THEM4: variants seen among roughly 807,000 people sequenced by gnomAD.
The protein encoded by THEM4 is acyl-coenzyme A thioesterase THEM4.
THEM4 carries 22 observed loss-of-function variants against 25.0 expected under a neutral mutation model. That is an observed-to-expected ratio of 0.88 (90% CI 0.63 to 1.26). The LOEUF (loss-of-function observed/expected upper bound fraction) is 1.26, where lower values mean the gene tolerates loss of function less well. Among genes scored for constraint, THEM4 ranks in the 50% most tolerant of loss-of-function variants. The pLI, the probability that THEM4 is intolerant of heterozygous loss-of-function variation, is 0.00. For synonymous variants in THEM4, 113 were observed against 105.6 expected (o/e 1.07, Z -0.43); for missense variants, 286 against 300.3 (o/e 0.95, Z 0.35).
chr1:151,876,809 C>T (rs987098621), intron 5 of THEM4, among the ~76,000 whole-genome samples, 192 bp downstream of exon 5: 1 of 152,054 alleles, frequency 6.6e-6, no homozygotes, highest in Non-Finnish European at 1.5e-5. Flanking sequence ...ATATCTTTAA[C>T]TTGTTCTTTG....
intron 4 of THEM4, among the ~76,000 whole-genome samples, chr1:151,887,121 A>G (rs1393386328): frequency 6.6e-6 from 1 of 152,202 alleles, no homozygotes; most frequent in Non-Finnish European, 1.5e-5. Context: ...TGACTAATCC[A>G]AAAAGGAAAT....
chr1:151,895,988 CTTTT>C (rs1176553580), intron 1 of THEM4, among the ~76,000 whole-genome samples: 2 of 119,216 alleles, frequency 1.7e-5, no homozygotes, highest in African/African-American at 3.0e-5. Context: ...TTCTTGCTTC[CTTTT>C]TTTTTTTTTT....
rs576590725 is a variant in THEM4 at position 151,873,474 on chromosome 1, G to A, written c.*1414C>T. On this transcript the variant is annotated 3_prime_UTR_variant, in exon 6 of 6. Transcript: ENST00000368814. ...CACCTGATGAGAAACACCCACAGGT[G>A]TGGAGGGGCTGGCCCCCTTCAACTC... 2.0e-5 allele frequency: 3 copies of A among 152,184 alleles called. No individual in the cohort carries two copies. The highest frequency in any genetic ancestry group is 2.9e-5 in the Non-Finnish European group (2 of 68,038). 9.4% of individuals were successfully genotyped at this position (152,184 alleles called of 1,614,324 possible). A position where few individuals can be genotyped will look rare whatever the true frequency, so the allele number is the denominator to read the frequency against.
intron 2 of THEM4, 151 bp downstream of exon 2, chr1:151,894,857 T>C: frequency 2.3e-6 from 2 of 863,120 alleles, no homozygotes; most frequent in South Asian, 3.0e-5. Flanking sequence ...GCAAAATTTA[T>C]TGTGATTTCT....
At chr1:151,887,449 T>A (rs1004137475) in intron 4 of THEM4, among the ~76,000 whole-genome samples, 2 of 149,688 alleles carry the variant, frequency 1.3e-5, no homozygotes, top group Admixed American at 1.3e-4. Flanking sequence ...ATAATAATAA[T>A]AAAAAAATTA....
chr1:151,887,533 A>G (rs1175277108), intron 4 of THEM4, among the ~76,000 whole-genome samples: 1 of 152,162 alleles, frequency 6.6e-6, no homozygotes, highest in Non-Finnish European at 1.5e-5. Flanking sequence ...TATACACTGA[A>G]AACTACAAAA....
intron 4 of THEM4, among the ~76,000 whole-genome samples, chr1:151,885,476 TATC>T (rs1427176477): frequency 6.6e-6 from 1 of 152,266 alleles, no homozygotes; most frequent in African/African-American, 2.4e-5. Flanking sequence ...TGTATTTGAT[TATC>T]ATCATATCTT....
At chr1:151,894,947 A>G (rs543242038) in intron 2 of THEM4, 61 bp downstream of exon 2, 34 of 1,551,026 alleles carry the variant, frequency 2.2e-5, no homozygotes, top group Middle Eastern at 1.7e-4. Context: ...TAGTACTTCA[A>G]TCTGTTCTTA....
At chr1:151,882,763 C>A (rs986195837) in intron 4 of THEM4, among the ~76,000 whole-genome samples, 4 of 152,094 alleles carry the variant, frequency 2.6e-5, no homozygotes, top group Admixed American at 6.6e-5. Context: ...GCATATGGAT[C>A]TGACAAATGA....
rs151295970 is a variant in THEM4 at position 151,893,629 on chromosome 1, AG to A, written c.286+1378del. ...GAAGCAGAACATCAGGCACAGATGC[AG>A]GGGGGAGGATATGTGAGGCAATGGG... On this transcript the variant is annotated intron_variant, in intron 2 of 5. Transcript: ENST00000368814. Among the ~76,000 whole-genome samples, 489 of 152,186 alleles carry A rather than the reference AG, an allele frequency of 3.2e-3. 23 individuals are homozygous for A. The East Asian group carries it at 0.08, about 25-fold the overall frequency.
At chr1:151,881,617 A>G (rs1319778659) in intron 4 of THEM4, among the ~76,000 whole-genome samples, 1 of 152,136 alleles carries the variant, frequency 6.6e-6, no homozygotes, top group Non-Finnish European at 1.5e-5. Flanking sequence ...TTCTTTTGGC[A>G]GATGTTTTAT....
intron 1 of THEM4, among the ~76,000 whole-genome samples, chr1:151,907,425 T>C (rs1191610060): frequency 1.3e-5 from 2 of 152,210 alleles, no homozygotes; most frequent in Admixed American, 6.5e-5. Context: ...ATTTGATGAA[T>C]TAATTGCCTT....
chr1:151,894,796 C>T lies in THEM4; in HGVS notation c.286+212G>A, dbSNP rs576314263. 15 of 623,422 alleles carry T rather than the reference C, an allele frequency of 2.4e-5. No homozygotes were observed. The African/African-American group carries it at 2.6e-4, about 11-fold the overall frequency. The allele number at this position is 623,422 out of a possible 1,614,324, so 38.6% of individuals were successfully genotyped here. Reference sequence around the variant, plus strand: ...CTCTTGCTAATGGTGATAAGAATGCCAGGGTGGGAGCAGTCTTATTCTTGA... The same window carrying T: ...CTCTTGCTAATGGTGATAAGAATGCTAGGGTGGGAGCAGTCTTATTCTTGA... On this transcript the variant is annotated intron_variant, in intron 2 of 5. Transcript: ENST00000368814.
rs1010101519 is a variant in THEM4 at position 151,909,322 on chromosome 1, C to T, written c.99+38G>A. Reference sequence around the variant, plus strand: ...TGTTACCGCAGGCGTGTTTCTGAGTCCTGCTCCCGCCCCATGCCCGAGGGT... The same window carrying T: ...TGTTACCGCAGGCGTGTTTCTGAGTTCTGCTCCCGCCCCATGCCCGAGGGT... On this transcript the variant is annotated intron_variant, in intron 1 of 5. Transcript: ENST00000368814. 7 of 1,491,168 alleles carry T rather than the reference C, an allele frequency of 4.7e-6. No individual in the cohort carries two copies. The African/African-American group carries it at 1.0e-4, about 21-fold the overall frequency. 92.4% of individuals were successfully genotyped at this position (1,491,168 alleles called of 1,614,324 possible).
At chr1:151,889,168 A>G (rs372959094) in intron 3 of THEM4, 46 bp downstream of exon 3, 51 of 1,571,060 alleles carry the variant, frequency 3.2e-5, no homozygotes, top group Non-Finnish European at 4.3e-5. Flanking sequence ...GGGGCAGTGT[A>G]AGATAAAAAT....
chr1:151,879,174 G>A (rs558502089), intron 4 of THEM4, among the ~76,000 whole-genome samples: 144 of 152,198 alleles, frequency 9.5e-4, no homozygotes, highest in Middle Eastern at 6.8e-3. Flanking sequence ...CTAAGAAAAT[G>A]ATTAGAAAGC....
rs570492965 is a variant in THEM4, at chr1:151,897,722, C to T, written c.100-2528G>A. ...GGACCCACAGACCCTCTGAAGGAAG[C>T]GGACTACTCCTGCAGGACCGGGAGA... On this transcript the variant is annotated intron_variant, in intron 1 of 5. Coordinates refer to ENST00000368814, the MANE Select transcript of THEM4 (RefSeq NM_053055.5). 1.5e-4 allele frequency among the ~76,000 whole-genome samples: 23 copies of T among 152,284 alleles called. No homozygotes were observed. In the South Asian group the frequency reaches 2.3e-3, roughly 15 times the overall value.
chr1:151,888,660 T>A (rs992219464), intron 3 of THEM4, among the ~76,000 whole-genome samples: 2 of 152,124 alleles, frequency 1.3e-5, no homozygotes, highest in Admixed American at 1.3e-4. Context: ...TTTAGAAAAT[T>A]TATATTATGT....
chr1:151,874,922 A>T lies in THEM4; in HGVS notation c.689T>A (p.Phe230Tyr). The change falls in exon 6 of 6, where the codon TTT (phenylalanine) becomes TAT (tyrosine). Residue 230 changes from phenylalanine (F) to tyrosine (Y), a missense_variant. Coordinates refer to ENST00000368814, the MANE Select transcript of THEM4 (RefSeq NM_053055.5). ...ACTTTTAGCAGGATTCAGCTTTATAAATAAGCCTAAACAAACAAAATAACA... is the reference window on the plus strand; with the variant it reads ...ACTTTTAGCAGGATTCAGCTTTATATATAAGCCTAAACAAACAAAATAACA... ...KTLYSEATSL[F>Y]IKLNPAKSLT is the part of the protein sequence containing the mutation. 1 of 1,613,542 alleles carries T rather than the reference A, an allele frequency of 6.2e-7. No individual in the cohort carries two copies. The highest frequency in any genetic ancestry group is 1.1e-5 in the South Asian group (1 of 91,068).
Sources: gnomAD v4.1 joint callset for allele counts (sites outside exome capture counted in the v4.1 genomes callset) on GRCh38, gnomAD v4.1.1 for gene constraint, MANE v1.5 for transcripts, NCBI Gene and HGNC (gene_info 2026-07-23, HGNC 2026-07-21) for gene names.